NAA35: variants seen among roughly 807,000 people sequenced by gnomAD.
NAA35 encodes N-alpha-acetyltransferase 35, NatC auxiliary subunit.
A neutral mutation model predicts 101.7 loss-of-function variants in NAA35; 18 were observed. The observed-to-expected ratio is 0.18, with a 90% CI of 0.12 to 0.26. The LOEUF (loss-of-function observed/expected upper bound fraction) is 0.26, where lower values mean the gene tolerates loss of function less well. Among genes scored for constraint, NAA35 ranks in the 10% least tolerant of loss-of-function variants. The pLI, the probability that NAA35 is intolerant of heterozygous loss-of-function variation, is 1.00. For synonymous variants in NAA35, 267 were observed against 273.1 expected (o/e 0.98, Z 0.22); for missense variants, 601 against 886.8 (o/e 0.68, Z 4.09).
At chr9:85,975,312 ATAAAT>A (rs1183213667) in intron 8 of NAA35, among the ~76,000 whole-genome samples, 155 bp downstream of exon 8, 1 of 151,918 alleles carries the variant, frequency 6.6e-6, no homozygotes, top group African/African-American at 2.4e-5. Context: ...GGAGTTTCTG[ATAAAT>A]TAATGTCATT....
chr9:85,955,179 G>T (rs1283684774), intron 2 of NAA35, among the ~76,000 whole-genome samples: 3 of 151,200 alleles, frequency 2.0e-5, no homozygotes, highest in Admixed American at 6.6e-5. Context: ...AGCCTTATTG[G>T]TGTATTTTCA....
chr9:85,977,430 C>T lies in NAA35; in HGVS notation c.746C>T (p.Ala249Val), dbSNP rs1446369131. Reference sequence around the variant, plus strand: ...CGTGTGTTACTGACAGTGCTTATAGCCTTTACTAAGAAAGAGGTAAGGGCA... The same window carrying T: ...CGTGTGTTACTGACAGTGCTTATAGTCTTTACTAAGAAAGAGGTAAGGGCA... ...FTRVLLTVLI[A>V]FTKKETSAVA... The change falls in exon 10 of 23, where the codon GCC (alanine) becomes GTC (valine). Residue 249 changes from alanine to valine, a missense_variant. This residue lies in a region of NAA35 where 190 missense variants were observed against 223.1 expected (regional missense o/e 0.85). Coordinates refer to ENST00000361671, the MANE Select transcript of NAA35 (RefSeq NM_024635.4). 2 of 1,607,436 alleles carry T rather than the reference C, an allele frequency of 1.2e-6. No individual in the cohort carries two copies. The highest frequency in any genetic ancestry group is 1.7e-6 in the Non-Finnish European group (2 of 1,174,672).
chr9:86,013,943 A>G, intron 17 of NAA35, 46 bp downstream of exon 17: 1 of 1,344,544 alleles, frequency 7.4e-7, no homozygotes, highest in Non-Finnish European at 1.0e-6. Context: ...TGCAATGGAT[A>G]AGATCTGAGA....
At chr9:86,007,915 A>G (rs1587652582) in intron 14 of NAA35, among the ~76,000 whole-genome samples, 1 of 152,162 alleles carries the variant, frequency 6.6e-6, no homozygotes, top group East Asian at 1.9e-4. Flanking sequence ...ATCTTTTTCC[A>G]CTGAAAGATA....
intron 11 of NAA35, among the ~76,000 whole-genome samples, chr9:85,994,087 A>G (rs1170319815): frequency 6.6e-6 from 1 of 152,092 alleles, no homozygotes; most frequent in Non-Finnish European, 1.5e-5. Context: ...CTCACCAATG[A>G]CTAGGGTATA....
intron 11 of NAA35, among the ~76,000 whole-genome samples, chr9:85,982,700 A>T (rs1005335856): frequency 2.6e-5 from 4 of 152,224 alleles, no homozygotes; most frequent in African/African-American, 9.6e-5. Flanking sequence ...TTTAAAAATA[A>T]ATTAAAAGAT....
At chr9:86,019,741 T>C (rs1030250916) in intron 21 of NAA35, among the ~76,000 whole-genome samples, 1 of 152,212 alleles carries the variant, frequency 6.6e-6, no homozygotes, top group African/African-American at 2.4e-5. Context: ...ACCGCTTCCA[T>C]AGAGGCGTAG....
rs763566333 is a variant in NAA35, at chr9:86,018,407, C to G, written c.1914+12C>G. 8.7e-6 allele frequency: 14 copies of G among 1,601,138 alleles called. No individual in the cohort carries two copies. The highest frequency in any genetic ancestry group is 1.2e-5 in the Non-Finnish European group (14 of 1,171,626). ...ACTTACAGTTCAAGGTGAACCTGCT[C>G]AATGAACTTGTTATGAAATCTTTAG... is the stretch of plus-strand genomic sequence containing the variant. On this transcript the variant is annotated intron_variant, in intron 20 of 22. Transcript: ENST00000361671.
chr9:85,981,094 A>G (rs1198149007), intron 11 of NAA35, among the ~76,000 whole-genome samples: 2 of 152,104 alleles, frequency 1.3e-5, no homozygotes, highest in African/African-American at 4.8e-5. Context: ...TATTGTCATA[A>G]TTTTTGTGTT....
At chr9:85,961,383 T>A (rs1181483804) in intron 5 of NAA35, among the ~76,000 whole-genome samples, 1 of 151,996 alleles carries the variant, frequency 6.6e-6, no homozygotes, top group Non-Finnish European at 1.5e-5. Context: ...AGGAAAAAAA[T>A]GAGATAAGAT....
chr9:85,941,188 G>GGAGGGGGCGGCGGCGGCC lies in NAA35; in HGVS notation c.-86_-69dup. ...CTGCCGGTCGGGCTGGGCTGAGAGG[G>GGAGGGGGCGGCGGCGGCC]GAGGGGGCGGCGGCGGCCGAGGCGG... On this transcript the variant is annotated 5_prime_UTR_variant, in exon 1 of 23. Coordinates refer to ENST00000361671, the MANE Select transcript of NAA35 (RefSeq NM_024635.4). 4.1e-6 allele frequency: 4 copies of GGAGGGGGCGGCGGCGGCC among 987,024 alleles called. No homozygotes were observed. Among genetic ancestry groups the GGAGGGGGCGGCGGCGGCC allele is most frequent in the Non-Finnish European group, 4.8e-6 (4 of 831,004 alleles). 61.1% of individuals were successfully genotyped at this position (987,024 alleles called of 1,614,324 possible).
chr9:85,997,893 A>ATG (rs917109003), intron 12 of NAA35, among the ~76,000 whole-genome samples: 10 of 151,708 alleles, frequency 6.6e-5, no homozygotes, highest in Admixed American at 2.6e-4. Context: ...ATATTTATGT[A>ATG]TGTGTGTGTG....
chr9:86,020,821 T>C, intron 21 of NAA35, 68 bp from the exon 22 acceptor site: 2 of 1,282,954 alleles, frequency 1.6e-6, no homozygotes, highest in Admixed American at 3.6e-5. Context: ...ACAGCAGGTC[T>C]CAAAAAAGAA....
intron 2 of NAA35, among the ~76,000 whole-genome samples, 154 bp from the exon 3 acceptor site, chr9:85,956,206 A>G (rs1184085020): frequency 6.6e-6 from 1 of 152,212 alleles, no homozygotes; most frequent in East Asian, 1.9e-4. Context: ...TATAGAATGC[A>G]TTATATTAGT....
rs1421179110 is a variant in NAA35 at position 85,962,136 on chromosome 9, G to C, written c.472G>C (p.Asp158His). 3.1e-6 allele frequency: 5 copies of C among 1,613,972 alleles called. No individual in the cohort carries two copies. Among genetic ancestry groups the C allele is most frequent in the Non-Finnish European group, 4.2e-6 (5 of 1,180,022 alleles). Residue 158 changes from aspartate to histidine, a missense_variant, in exon 6 of 23, where the codon GAC becomes CAC. Coordinates refer to ENST00000361671, the MANE Select transcript of NAA35 (RefSeq NM_024635.4). ...TGCTCTGGGAATCTTGAAAATCTGT[G>C]ACATTGCAAGGGAAAAAGTAAATAA... Reference protein sequence around the residue: ...AFALGILKICDIAREKVNKAA... With the variant: ...AFALGILKICHIAREKVNKAA...
chr9:86,016,037 C>T (rs1041848150), intron 17 of NAA35, among the ~76,000 whole-genome samples: 6 of 151,150 alleles, frequency 4.0e-5, no homozygotes, highest in African/African-American at 1.2e-4. Context: ...ATATATATCT[C>T]GTAGATTTGA....
intron 6 of NAA35, 87 bp from the exon 7 acceptor site, chr9:85,974,880 A>G (rs1830145386): frequency 1.1e-6 from 1 of 894,176 alleles, no homozygotes; most frequent in African/African-American, 1.7e-5. Context: ...GTGATTTTGT[A>G]AGAGAAATAT....
At chr9:85,968,604 C>T (rs1829863242) in intron 6 of NAA35, among the ~76,000 whole-genome samples, 1 of 151,864 alleles carries the variant, frequency 6.6e-6, no homozygotes, top group African/African-American at 2.4e-5. Context: ...AGTTAAATAG[C>T]CCACTTATGA....
chr9:85,975,497 G>C (rs965645745), intron 8 of NAA35, among the ~76,000 whole-genome samples: 9 of 152,010 alleles, frequency 5.9e-5, no homozygotes, highest in Admixed American at 5.9e-4. Context: ...CATATAACCT[G>C]TTCATGTCCT....
Sources: gnomAD v4.1 joint callset for allele counts (sites outside exome capture counted in the v4.1 genomes callset) on GRCh38, gnomAD v4.1.1 for gene constraint, gnomAD v4.1.1 regional missense constraint, MANE v1.5 for transcripts, NCBI Gene and HGNC (gene_info 2026-07-23, HGNC 2026-07-21) for gene names.